ACAP2: variants seen among roughly 807,000 people sequenced by gnomAD.
ACAP2 encodes ArfGAP with coiled-coil, ankyrin repeat and PH domains 2.
In ACAP2, 39 loss-of-function variants were observed where a neutral mutation model predicts 115.8. The ratio of observed to expected loss-of-function variants is 0.34; its 90% CI spans 0.26 to 0.44. ACAP2 has a LOEUF of 0.44. Among genes scored for constraint, ACAP2 ranks in the 20% least tolerant of loss-of-function variants. ACAP2 has a pLI of 1.00. For synonymous variants in ACAP2, 289 were observed against 315.8 expected, an observed-to-expected ratio of 0.92 and a Z score of 0.90; for missense variants, 662 against 927.6, an observed-to-expected ratio of 0.71 and a Z score of 3.72.
intron 20 of ACAP2, among the ~76,000 whole-genome samples, 180 bp downstream of exon 20, chr3:195,291,526 T>C (rs569941626): frequency 1.3e-5 from 2 of 152,348 alleles, no homozygotes; most frequent in East Asian, 3.9e-4. Context: ...TGAAAACCAA[T>C]AGTAGCTTTT....
chr3:195,307,333 G>A lies in ACAP2; in HGVS notation c.910-10C>T. On this transcript the variant is annotated splice_polypyrimidine_tract_variant and intron_variant, in intron 11 of 22. Coordinates refer to ENST00000326793, the MANE Select transcript of ACAP2 (RefSeq NM_012287.6). Reference sequence around the variant, plus strand: ...CCACAGTCGGATTATCCTATAGTGAGGAAACCAAATTTCCATATTTTTCCA... The same window carrying A: ...CCACAGTCGGATTATCCTATAGTGAAGAAACCAAATTTCCATATTTTTCCA... 2 of 1,570,744 alleles carry A rather than the reference G, an allele frequency of 1.3e-6. No homozygotes were observed. Among genetic ancestry groups the A allele is most frequent in the South Asian group, 1.2e-5 (1 of 85,178 alleles).
Position 195,297,185 on chromosome 3 carries a change from A to G in ACAP2, c.1487+5T>C. 1 of 1,610,104 alleles carries G rather than the reference A, an allele frequency of 6.2e-7. No homozygotes were observed. The highest frequency in any genetic ancestry group is 8.5e-7 in the Non-Finnish European group (1 of 1,177,874). On this transcript the variant is annotated splice_donor_5th_base_variant and intron_variant, in intron 16 of 22. Coordinates refer to ENST00000326793, the MANE Select transcript of ACAP2 (RefSeq NM_012287.6). Reference sequence around the variant, plus strand: ...ATTAGGGGGAAAAAACAACTGAAATAGTACCTTTGTCCTGGTTGGGGTTTC... The same window carrying G: ...ATTAGGGGGAAAAAACAACTGAAATGGTACCTTTGTCCTGGTTGGGGTTTC...
At chr3:195,307,896 C>T (rs1435939773) in intron 11 of ACAP2, among the ~76,000 whole-genome samples, 2 of 152,098 alleles carry the variant, frequency 1.3e-5, no homozygotes, top group African/African-American at 4.8e-5. Context: ...TAGAACCAAG[C>T]AAGTAAAATT....
intron 21 of ACAP2, 133 bp downstream of exon 21, chr3:195,288,988 C>G: frequency 1.7e-6 from 1 of 596,498 alleles, no homozygotes; most frequent in Non-Finnish European, 2.9e-6. Flanking sequence ...AAATACATAC[C>G]ATTTTATATA....
chr3:195,413,520 G>A (rs990806821), intron 1 of ACAP2, among the ~76,000 whole-genome samples: 10 of 152,120 alleles, frequency 6.6e-5, no homozygotes, highest in African/African-American at 2.4e-4. Flanking sequence ...AGGCTGAGGC[G>A]GGCATATCAC....
intron 2 of ACAP2, among the ~76,000 whole-genome samples, chr3:195,385,283 T>C (rs823304): frequency 0.17 from 25,791 of 150,552 alleles, 2,440 homozygotes; most frequent in Admixed American, 0.28. Context: ...ACAAACTTAC[T>C]GGCACATGGT....
chr3:195,366,973 T>C (rs1300167571), intron 4 of ACAP2, among the ~76,000 whole-genome samples: 1 of 130,786 alleles, frequency 7.6e-6, no homozygotes, highest in Non-Finnish European at 1.5e-5. Context: ...TGCTGTGGTG[T>C]AAAAGTAGCC....
In ACAP2 at chr3:195,400,769, A is replaced by G. The variant is rs886650644; in HGVS notation, c.54-8622T>C. Among the ~76,000 whole-genome samples, 21 of 152,220 alleles carry G rather than the reference A, an allele frequency of 1.4e-4. 1 individual carries two copies. The highest frequency in any genetic ancestry group is 5.2e-4 in the Admixed American group (8 of 15,284). On this transcript the variant is annotated intron_variant, in intron 1 of 22. Transcript: ENST00000326793. ...GGGCAGAGGAGATTTCCATGAAGAA[A>G]GAACATTGTGGCTGATAATAATGAA... is the stretch of plus-strand genomic sequence containing the variant.
chr3:195,367,496 G>C (rs550350834), intron 4 of ACAP2, among the ~76,000 whole-genome samples: 6 of 152,254 alleles, frequency 3.9e-5, no homozygotes, highest in African/African-American at 1.4e-4. Flanking sequence ...GTATTGAAAG[G>C]CAACCTATAT....
intron 10 of ACAP2, among the ~76,000 whole-genome samples, chr3:195,309,279 C>T (rs12496202): frequency 0.022 from 3,283 of 152,250 alleles, 113 homozygotes; most frequent in East Asian, 0.1. Flanking sequence ...CGGTGGCTCA[C>T]GCCTGTAATC....
At chr3:195,372,384 C>T (rs991305930) in intron 4 of ACAP2, among the ~76,000 whole-genome samples, 8 of 152,190 alleles carry the variant, frequency 5.3e-5, no homozygotes, top group African/African-American at 1.9e-4. Flanking sequence ...AGTAACTGCG[C>T]TCAAGCTAAC....
chr3:195,309,287 A>C (rs1256430064), intron 10 of ACAP2, among the ~76,000 whole-genome samples: 1 of 152,164 alleles, frequency 6.6e-6, no homozygotes, highest in Non-Finnish European at 1.5e-5. Flanking sequence ...CACGCCTGTA[A>C]TCCCAGCACT....
chr3:195,423,827 A>T (rs1013251385), intron 1 of ACAP2, among the ~76,000 whole-genome samples: 2 of 152,042 alleles, frequency 1.3e-5, no homozygotes, highest in Admixed American at 6.6e-5. Context: ...AATTTTTTTT[A>T]AAACTTTAAA....
rs183894293 is a variant in ACAP2, at chr3:195,413,775, C to T, written c.54-21628G>A. On this transcript the variant is annotated intron_variant, in intron 1 of 22. Transcript: ENST00000326793. ...CTCAAAACAAAAACAAACAAAGAAA[C>T]CCACTGGGCAAAAGACCTGAGCAGA... is the stretch of plus-strand genomic sequence containing the variant. Among the ~76,000 whole-genome samples, 253 of 151,484 alleles carry T rather than the reference C, an allele frequency of 1.7e-3. 1 individual carries two copies. The highest frequency in any genetic ancestry group is 5.7e-3 in the African/African-American group (236 of 41,320).
At chr3:195,310,790 T>C (rs531597280) in intron 10 of ACAP2, among the ~76,000 whole-genome samples, 1 of 152,314 alleles carries the variant, frequency 6.6e-6, no homozygotes, top group East Asian at 1.9e-4. Flanking sequence ...CTGCCATCGA[T>C]CTGCTTCTGA....
intron 1 of ACAP2, among the ~76,000 whole-genome samples, chr3:195,401,501 C>T (rs1712291753): frequency 6.6e-6 from 1 of 152,174 alleles, no homozygotes; most frequent in Middle Eastern, 3.4e-3. Context: ...CCTGTCTGTA[C>T]TAAAAATACA....
At chr3:195,337,075 G>A (rs952161509) in intron 6 of ACAP2, 99 bp from the exon 7 acceptor site, 19 of 1,109,302 alleles carry the variant, frequency 1.7e-5, no homozygotes, top group East Asian at 5.4e-5. Context: ...AATACTTTTC[G>A]AAAAAGCAAA....
chr3:195,348,611 A>G (rs1028344436), intron 4 of ACAP2, among the ~76,000 whole-genome samples: 42 of 152,234 alleles, frequency 2.8e-4, no homozygotes, highest in African/African-American at 9.4e-4. Context: ...AAGAATACAT[A>G]GGAAGGAAAA....
chr3:195,339,776 A>C (rs1487060192), intron 6 of ACAP2, among the ~76,000 whole-genome samples: 1 of 152,186 alleles, frequency 6.6e-6, no homozygotes, highest in African/African-American at 2.4e-5. Flanking sequence ...AATAATGTGT[A>C]AGTTTAAAAA....
Sources: allele counts gnomAD v4.1 joint callset (sites outside exome capture counted in the v4.1 genomes callset), GRCh38; gene constraint gnomAD v4.1.1; transcripts MANE v1.5; gene names NCBI Gene and HGNC (gene_info 2026-07-23, HGNC 2026-07-21).